The following KIF3A variants were observed in gnomAD, a reference collection of about 807,000 sequenced individuals.
KIF3A encodes kinesin family member 3A, also known as kinesin-like protein KIF3A.
KIF3A carries 27 observed loss-of-function variants against 92.6 expected under a neutral mutation model. That is an observed-to-expected ratio of 0.29 (90% CI 0.21 to 0.40). KIF3A has a LOEUF of 0.40. Among genes scored for constraint, KIF3A ranks in the 10% least tolerant of loss-of-function variants. The pLI is 1.00. For synonymous variants in KIF3A, 250 were observed against 275.4 expected (o/e 0.91, Z 0.92); for missense variants, 581 against 872.6 (o/e 0.67, Z 4.21).
chr5:132,699,581 C>T lies in KIF3A; in HGVS notation c.2008-286G>A, dbSNP rs1448061065. The stretch of plus-strand genomic sequence containing the variant: ...TCTTCTTTTTTTTTTTTTTTTGAGA[C>T]GGAGTCTCACTCTGTCGCCCAGGCT... On this transcript the variant is annotated intron_variant, in intron 17 of 18. Coordinates refer to ENST00000403231, the MANE Select transcript of KIF3A (RefSeq NM_001300791.2). The T allele has an allele frequency of 4.6e-5, 21 of 453,924 alleles. 1 individual carries two copies. The highest frequency in any genetic ancestry group is 6.4e-5 in the Non-Finnish European group (15 of 232,732). 28.1% of individuals were successfully genotyped at this position (453,924 alleles called of 1,614,324 possible).
At chr5:132,731,987 C>T (rs1331513643) in intron 2 of KIF3A, among the ~76,000 whole-genome samples, 2 of 152,160 alleles carry the variant, frequency 1.3e-5, no homozygotes, top group South Asian at 2.1e-4. Flanking sequence ...GGATTACAGG[C>T]GTGAGCCACT....
chr5:132,720,536 C>A, intron 5 of KIF3A, 73 bp downstream of exon 5: 1 of 827,890 alleles, frequency 1.2e-6, no homozygotes, highest in Non-Finnish European at 2.0e-6. Context: ...GGGTAAAGTG[C>A]CATACCAAAT....
intron 8 of KIF3A, among the ~76,000 whole-genome samples, chr5:132,715,449 T>C (rs771319837): frequency 6.6e-6 from 1 of 152,150 alleles, no homozygotes; most frequent in Non-Finnish European, 1.5e-5. Context: ...AATACATACA[T>C]TGCAGAATTT....
At chr5:132,727,888 C>T (rs1754088283) in intron 2 of KIF3A, among the ~76,000 whole-genome samples, 1 of 152,114 alleles carries the variant, frequency 6.6e-6, no homozygotes, top group South Asian at 2.1e-4. Flanking sequence ...ATTCAGTTAA[C>T]CTCAACTTTT....
intron 11 of KIF3A, among the ~76,000 whole-genome samples, chr5:132,705,934 G>T (rs912810569): frequency 6.6e-6 from 1 of 151,902 alleles, no homozygotes; most frequent in Non-Finnish European, 1.5e-5. Flanking sequence ...AACAATGCAT[G>T]ATAAAATTCA....
intron 8 of KIF3A, among the ~76,000 whole-genome samples, chr5:132,714,647 A>G (rs1307223889): frequency 6.6e-6 from 1 of 152,190 alleles, no homozygotes; most frequent in East Asian, 1.9e-4. Flanking sequence ...TACTACTTAA[A>G]TGGGCACAGC....
intron 5 of KIF3A, among the ~76,000 whole-genome samples, chr5:132,717,561 G>T (rs1753670916): frequency 6.6e-6 from 1 of 150,398 alleles, no homozygotes; most frequent in African/African-American, 2.4e-5. Context: ...CTAAAAACGT[G>T]GAAAAATGTC....
intron 8 of KIF3A, 68 bp from the exon 9 acceptor site, chr5:132,711,125 A>G (rs376845087): frequency 9.6e-5 from 136 of 1,416,766 alleles, no homozygotes; most frequent in Non-Finnish European, 1.1e-4. Context: ...GGAAATACCT[A>G]TATCAGCTTT....
chr5:132,720,126 G>A (rs1456765769), intron 5 of KIF3A, among the ~76,000 whole-genome samples: 1 of 152,202 alleles, frequency 6.6e-6, no homozygotes, highest in Non-Finnish European at 1.5e-5. Flanking sequence ...ACAGGCATGA[G>A]CCACTGTGCG....
chr5:132,693,098 G>A lies in KIF3A; in HGVS notation c.*3536C>T, dbSNP rs1752713510. ...AAAACAACCAAAAACCATAATCATA[G>A]TTTTAAAAACATGTTACAGAGGAAG... On this transcript the variant is annotated 3_prime_UTR_variant, in exon 19 of 19. Coordinates refer to ENST00000403231, the MANE Select transcript of KIF3A (RefSeq NM_001300791.2). 1 of 149,340 alleles carries A rather than the reference G, an allele frequency of 6.7e-6. No individual in the cohort carries two copies. The highest frequency in any genetic ancestry group is 2.5e-5 in the African/African-American group (1 of 40,620). The allele number at this position is 149,340 out of a possible 1,614,324, so 9.3% of individuals were successfully genotyped here.
Position 132,711,026 on chromosome 5 carries a change from C to A in KIF3A, c.1161G>T (p.Gly387=). ...CCTCTTCATCATCATCTTCCTCTGA[C>A]CCACTGATATCAGAGCCTGATATTT... is the stretch of plus-strand genomic sequence containing the variant. ...GEEISGSDIS[G]SEEDDDEEGE... Residue 387 remains glycine (G), a synonymous_variant, in exon 9 of 19, where the codon GGG becomes GGT. Coordinates refer to ENST00000403231, the MANE Select transcript of KIF3A (RefSeq NM_001300791.2). 6.2e-7 allele frequency: 1 copy of A among 1,611,008 alleles called. No individual in the cohort carries two copies. Among genetic ancestry groups the A allele is most frequent in the South Asian group, 1.1e-5 (1 of 91,000 alleles).
Position 132,719,717 on chromosome 5 carries a change from A to C in KIF3A, c.616+892T>G, listed in dbSNP as rs564590252. Among the ~76,000 whole-genome samples the C allele has an allele frequency of 4.0e-5, 6 of 151,758 alleles. No homozygotes were observed. The South Asian group carries it at 1.0e-3, about 26-fold the overall frequency. ...ATGTTGGCCAGGCTGGTCTCAAACA[A>C]GTGATCCACCCACCTCAGCCTCCCA... is the stretch of plus-strand genomic sequence containing the variant. On this transcript the variant is annotated intron_variant, in intron 5 of 18. Transcript: ENST00000403231.
chr5:132,720,643 A>C lies in KIF3A; in HGVS notation c.582T>G (p.Asp194Glu). ...LSAYVVNNAD[D>E]MDRIMTLGHK... The stretch of plus-strand genomic sequence containing the variant: ...GGCCTAGCGTCATAATTCTATCCAT[A>C]TCATCAGCATTATTTACCACATAAG... Residue 194 changes from aspartate to glutamate, a missense_variant, in exon 5 of 19, where the codon GAT (aspartate) becomes GAG (glutamate). Transcript: ENST00000403231. 2 of 1,611,742 alleles carry C rather than the reference A, an allele frequency of 1.2e-6. No homozygotes were observed. The highest frequency in any genetic ancestry group is 1.7e-6 in the Non-Finnish European group (2 of 1,178,358).
chr5:132,727,081 ATAAG>A (rs1452097513), intron 2 of KIF3A, among the ~76,000 whole-genome samples: 1 of 152,242 alleles, frequency 6.6e-6, no homozygotes, highest in East Asian at 1.9e-4. Context: ...TAATCCTAAA[ATAAG>A]TGTGTTTTTA....
chr5:132,698,048 T>A (rs1422727470), intron 18 of KIF3A: 1 of 152,212 alleles, frequency 6.6e-6, no homozygotes, highest in Non-Finnish European at 1.5e-5. Context: ...CTCACCTAAA[T>A]GCTAAAGAAT....
At position 132,703,603 on chromosome 5, in the gene KIF3A, G is replaced by A. The variant is rs1415455766; in HGVS notation, c.1326C>T (p.Ser442=). The A allele has an allele frequency of 6.2e-7, 1 of 1,603,676 alleles. No individual in the cohort carries two copies. The highest frequency in any genetic ancestry group is 1.3e-5 in the African/African-American group (1 of 74,104). ...LPNQAGKKKV[S]PDKMIEMQAK... Reference sequence around the variant, plus strand: ...CTTGCATTTCAATCATCTTGTCTGGGGAGACTTTCTTTTTTCCTATTTGAA... The same window carrying A: ...CTTGCATTTCAATCATCTTGTCTGGAGAGACTTTCTTTTTTCCTATTTGAA... Residue 442 remains serine (S), a synonymous_variant, in exon 12 of 19, where the codon TCC becomes TCT. Coordinates refer to ENST00000403231, the MANE Select transcript of KIF3A (RefSeq NM_001300791.2).
At chr5:132,734,605 G>GT in intron 1 of KIF3A, 127 bp from the exon 2 acceptor site, 1 of 707,602 alleles carries the variant, frequency 1.4e-6, no homozygotes, top group Non-Finnish European at 2.2e-6. Flanking sequence ...CACTTCACAG[G>GT]TATTTGTTAA....
intron 15 of KIF3A, among the ~76,000 whole-genome samples, 156 bp downstream of exon 15, chr5:132,701,931 A>G (rs1753051590): frequency 6.6e-6 from 1 of 152,228 alleles, no homozygotes; most frequent in South Asian, 2.1e-4. Flanking sequence ...ATTATGTATT[A>G]AAAGTTAACA....
At chr5:132,729,135 T>A (rs1002268569) in intron 2 of KIF3A, among the ~76,000 whole-genome samples, 27 of 151,272 alleles carry the variant, frequency 1.8e-4, no homozygotes, top group East Asian at 5.8e-4. Context: ...GGGGAAAGAG[T>A]GGGAGGCGAG....
Sources: allele counts gnomAD v4.1 joint callset (sites outside exome capture counted in the v4.1 genomes callset), GRCh38; gene constraint gnomAD v4.1.1; transcripts MANE v1.5; gene names NCBI Gene and HGNC (gene_info 2026-07-23, HGNC 2026-07-21).